UNC13B: variants seen among roughly 807,000 people sequenced by gnomAD.
UNC13B encodes unc-13 homolog B.
UNC13B carries 144 observed loss-of-function variants against 211.0 expected under a neutral mutation model. That is an observed-to-expected ratio of 0.68 (90% CI 0.60 to 0.78). UNC13B has a LOEUF of 0.78. Among genes scored for constraint, UNC13B ranks in the 30% least tolerant of loss-of-function variants. The pLI, the probability that UNC13B is intolerant of heterozygous loss-of-function variation, is 0.00. For missense variants in UNC13B, 1,777 were observed against 2,002.0 expected, an observed-to-expected ratio of 0.89 and a Z score of 2.14; for synonymous variants, 709 against 725.8, an observed-to-expected ratio of 0.98 and a Z score of 0.37.
intron 1 of UNC13B, among the ~76,000 whole-genome samples, chr9:35,183,587 T>A (rs1170484944): frequency 2.3e-5 from 2 of 88,662 alleles, no homozygotes; most frequent in Non-Finnish European, 4.5e-5. Context: ...GCAGGGCGGC[T>A]GGGCAGAGGC....
At chr9:35,201,579 G>A (rs1410352662) in intron 1 of UNC13B, among the ~76,000 whole-genome samples, 7 of 151,628 alleles carry the variant, frequency 4.6e-5, no homozygotes, top group African/African-American at 1.7e-4. Flanking sequence ...TGTATGTGTC[G>A]AGGAATTTAT....
At position 35,385,598 on chromosome 9, in the gene UNC13B, T is replaced by C. The variant is rs7032865; in HGVS notation, c.10876-126T>C. 2,190 of 1,424,260 alleles carry C rather than the reference T, an allele frequency of 1.5e-3. 39 individuals carry two copies. The African/African-American group carries it at 0.027, about 18-fold the overall frequency. The allele number at this position is 1,424,260 out of a possible 1,614,324, so 88.2% of individuals were successfully genotyped here. ...GAGACCTGTAACTTTACAGTGTTTT[T>C]GGCCAGCTCAACTAGAGAAAAACCC... On this transcript the variant is annotated intron_variant, in intron 22 of 39. Transcript: ENST00000635942.
At chr9:35,252,361 C>T (rs1826547793) in intron 6 of UNC13B, among the ~76,000 whole-genome samples, 1 of 151,930 alleles carries the variant, frequency 6.6e-6, no homozygotes. Flanking sequence ...TTGAGACAGT[C>T]TTACTTTGTC....
In UNC13B at chr9:35,162,322, A is replaced by G. The variant is rs780685896; in HGVS notation, c.22+17A>G. On this transcript the variant is annotated intron_variant, in intron 1 of 39. Transcript: ENST00000635942. ...GCGTGCGCGGTGAGTGCGCGGACTG[A>G]GGCGGGGAGGCGGGGTGTCGGCGTA... 1 of 1,533,094 alleles carries G rather than the reference A, an allele frequency of 6.5e-7. No individual in the cohort carries two copies. The highest frequency in any genetic ancestry group is 1.2e-5 in the South Asian group (1 of 83,816). 95.0% of individuals were successfully genotyped at this position (1,533,094 alleles called of 1,614,324 possible).
intron 8 of UNC13B, among the ~76,000 whole-genome samples, chr9:35,297,908 T>G (rs1209148702): frequency 6.6e-6 from 1 of 152,180 alleles, no homozygotes; most frequent in African/African-American, 2.4e-5. Context: ...AAATTTGGTA[T>G]ATGCCGTATT....
chr9:35,274,134 T>C (rs534808528), intron 7 of UNC13B, among the ~76,000 whole-genome samples: 8 of 152,320 alleles, frequency 5.3e-5, no homozygotes, highest in African/African-American at 1.4e-4. Flanking sequence ...TATTACTTAT[T>C]TTCCGTATGA....
intron 11 of UNC13B, among the ~76,000 whole-genome samples, chr9:35,322,242 G>A (rs1344904522): frequency 6.6e-6 from 1 of 152,192 alleles, no homozygotes; most frequent in African/African-American, 2.4e-5. Context: ...TGTTGGTAGT[G>A]TGGGTGGGAG....
chr9:35,310,657 G>A lies in UNC13B; in HGVS notation c.9199G>A (p.Glu3067Lys), dbSNP rs902255100. The change falls in exon 10 of 40, where the codon GAG (glutamate) becomes AAG (lysine). Residue 3067 changes from glutamate (E) to lysine (K), a missense_variant. Coordinates refer to ENST00000635942, the MANE Select transcript of UNC13B (RefSeq NM_001371189.2). ...TTTTGGAGAACAAGAGAAACCCTTG[G>A]AGGTGACAGGTCAAGCAGAGAAGGA... is the stretch of plus-strand genomic sequence containing the variant. Reference protein sequence around the residue: ...AGFGEQEKPLEVTGQAEKEAA... With the variant: ...AGFGEQEKPLKVTGQAEKEAA... 2.5e-6 allele frequency: 4 copies of A among 1,613,794 alleles called. No individual in the cohort carries two copies. In the Admixed American group the frequency reaches 5.0e-5, roughly 20 times the overall value.
intron 11 of UNC13B, among the ~76,000 whole-genome samples, chr9:35,350,888 T>C (rs1832682812): frequency 6.6e-6 from 1 of 152,240 alleles, no homozygotes; most frequent in South Asian, 2.1e-4. Flanking sequence ...AAACATTCCA[T>C]GTCTTGTCTT....
intron 7 of UNC13B, among the ~76,000 whole-genome samples, chr9:35,270,984 C>G (rs1827845887): frequency 6.6e-6 from 1 of 151,910 alleles, no homozygotes; most frequent in Non-Finnish European, 1.5e-5. Context: ...ACTAAAAATA[C>G]AAAAGTTAGC....
At chr9:35,313,774 T>C in intron 10 of UNC13B, 125 bp from the exon 11 acceptor site, 1 of 696,726 alleles carries the variant, frequency 1.4e-6, no homozygotes, top group Non-Finnish European at 2.5e-6. Context: ...GTAGCCTGAA[T>C]CACTAAATAA....
intron 37 of UNC13B, chr9:35,401,920 T>G: frequency 6.5e-7 from 1 of 1,546,872 alleles, no homozygotes; most frequent in South Asian, 1.2e-5. Context: ...CTGCTGCTGC[T>G]ACTACCTCTG....
At chr9:35,204,654 CT>C (rs978767126) in intron 1 of UNC13B, among the ~76,000 whole-genome samples, 1 of 152,188 alleles carries the variant, frequency 6.6e-6, no homozygotes, top group African/African-American at 2.4e-5. Flanking sequence ...TGCGTGGGGC[CT>C]ATGACCCCTT....
chr9:35,394,935 G>A (rs1199126834), intron 26 of UNC13B, among the ~76,000 whole-genome samples: 1 of 152,184 alleles, frequency 6.6e-6, no homozygotes, highest in African/African-American at 2.4e-5. Context: ...GACAGAGAAA[G>A]TGAAAATTAT....
At chr9:35,380,969 T>G (rs1185549256) in intron 18 of UNC13B, 131 bp from the exon 19 acceptor site, 2 of 791,018 alleles carry the variant, frequency 2.5e-6, no homozygotes, top group Non-Finnish European at 3.9e-6. Flanking sequence ...TCACCCTATT[T>G]GGTGAGTCCT....
intron 7 of UNC13B, among the ~76,000 whole-genome samples, chr9:35,276,756 T>G (rs965500959): frequency 3.3e-5 from 5 of 152,174 alleles, no homozygotes; most frequent in Non-Finnish European, 5.9e-5. Context: ...CAGTTTCGTG[T>G]ATATTCCCCC....
At chr9:35,340,858 T>C (rs1831949543) in intron 11 of UNC13B, among the ~76,000 whole-genome samples, 1 of 152,200 alleles carries the variant, frequency 6.6e-6, no homozygotes, top group African/African-American at 2.4e-5. Context: ...ACATTTCATG[T>C]ATTTGGCATT....
intron 3 of UNC13B, 24 bp from the exon 4 acceptor site, chr9:35,236,445 A>G (rs758007115): frequency 6.3e-7 from 1 of 1,592,132 alleles, no homozygotes; most frequent in Non-Finnish European, 8.6e-7. Context: ...AGCTTTCCTC[A>G]AAGGGCTTTC....
At chr9:35,390,747 G>A in intron 26 of UNC13B, 33 bp downstream of exon 26, 1 of 1,587,576 alleles carries the variant, frequency 6.3e-7, no homozygotes, top group Non-Finnish European at 8.6e-7. Flanking sequence ...GGGCTGCCAG[G>A]CTCCTAGCCC....
Sources: allele counts gnomAD v4.1 joint callset (sites outside exome capture counted in the v4.1 genomes callset), GRCh38; gene constraint gnomAD v4.1.1; transcripts MANE v1.5; gene names NCBI Gene and HGNC (gene_info 2026-07-23, HGNC 2026-07-21).